Variants in PKHD1 observed in about 807,000 individuals in gnomAD.
PKHD1 encodes fibrocystin.
In PKHD1, 291 loss-of-function variants were observed where a neutral mutation model predicts 412.0. The observed-to-expected ratio is 0.71, with a 90% CI of 0.64 to 0.78. The LOEUF (loss-of-function observed/expected upper bound fraction) is 0.78, where lower values mean the gene tolerates loss of function less well. Ranked by LOEUF, PKHD1 falls within the 30% of genes least tolerant of loss-of-function variation. PKHD1 has a pLI of 0.00. For synonymous variants in PKHD1, 1,777 were observed against 1,821.5 expected (o/e 0.98, Z 0.62); for missense variants, 4,825 against 4,950.7 (o/e 0.97, Z 0.76).
chr6:51,773,941 G>A (rs1380067655), intron 54 of PKHD1, among the ~76,000 whole-genome samples: 3 of 151,710 alleles, frequency 2.0e-5, no homozygotes, highest in Non-Finnish European at 2.9e-5. Context: ...TTTTCAGGAC[G>A]TGTCCTGAAA....
At chr6:51,791,189 C>A in intron 53 of PKHD1, 47 bp downstream of exon 53, 1 of 1,596,208 alleles carries the variant, frequency 6.3e-7, no homozygotes, top group Non-Finnish European at 8.6e-7. Context: ...CCCCTTCTCA[C>A]AGAATATAAT....
intron 66 of PKHD1, among the ~76,000 whole-genome samples, chr6:51,624,665 C>T (rs1767025698): frequency 6.6e-6 from 1 of 152,184 alleles, no homozygotes; most frequent in Admixed American, 6.5e-5. Context: ...TGGATGTGAA[C>T]ACATATATAG....
Position 52,079,970 on chromosome 6 carries a change from A to C in PKHD1, c.320T>G (p.Leu107Arg). 1.2e-6 allele frequency: 2 copies of C among 1,611,306 alleles called. No individual in the cohort carries two copies. Among genetic ancestry groups the C allele is most frequent in the East Asian group, 2.2e-5 (1 of 44,876 alleles). Reference sequence around the variant, plus strand: ...CAGCTGTCCCCCGAAGTATGCTTCCAGGAAGTACAGACCCTCATGTGCTTC... The same window carrying C: ...CAGCTGTCCCCCGAAGTATGCTTCCCGGAAGTACAGACCCTCATGTGCTTC... ...LSEAHEGLYF[L>R]EAYFGGQLVS... Residue 107 changes from leucine (L) to arginine (R), a missense_variant, in exon 5 of 67, where the codon CTG becomes CGG. Transcript: ENST00000371117.
chr6:52,062,177 C>A (rs1808782294), intron 14 of PKHD1, among the ~76,000 whole-genome samples: 1 of 152,208 alleles, frequency 6.6e-6, no homozygotes, highest in Admixed American at 6.5e-5. Flanking sequence ...TGGCATCAAC[C>A]AGATGTTAGT....
intron 60 of PKHD1, among the ~76,000 whole-genome samples, chr6:51,730,898 T>G (rs1783158804): frequency 1.3e-5 from 2 of 152,176 alleles, no homozygotes; most frequent in African/African-American, 4.8e-5. Context: ...AAGCTCAGGT[T>G]TGAGATTCTA....
chr6:51,977,974 C>T (rs538412844), intron 35 of PKHD1, among the ~76,000 whole-genome samples: 1 of 152,258 alleles, frequency 6.6e-6, no homozygotes, highest in African/African-American at 2.4e-5. Flanking sequence ...AAGCTCCTCA[C>T]CACCATCCTC....
At chr6:51,873,240 T>A (rs1370715869) in intron 46 of PKHD1, among the ~76,000 whole-genome samples, 3 of 152,160 alleles carry the variant, frequency 2.0e-5, no homozygotes, top group Admixed American at 6.5e-5. Flanking sequence ...ATAACCAAAC[T>A]TACAAATGAT....
At chr6:51,869,671 G>A (rs986139968) in intron 47 of PKHD1, among the ~76,000 whole-genome samples, 2 of 151,840 alleles carry the variant, frequency 1.3e-5, no homozygotes, top group African/African-American at 4.8e-5. Flanking sequence ...AAAGAATTGA[G>A]GAATTGCGAT....
chr6:51,938,892 T>C (rs1787965706), intron 36 of PKHD1, among the ~76,000 whole-genome samples: 3 of 151,634 alleles, frequency 2.0e-5, no homozygotes, highest in South Asian at 4.1e-4. Context: ...CTTTCTCCTT[T>C]CAATCTTGGT....
At chr6:51,855,614 T>C (rs1316510831) in intron 49 of PKHD1, among the ~76,000 whole-genome samples, 3 of 152,198 alleles carry the variant, frequency 2.0e-5, no homozygotes. Context: ...TGTTTCTCAT[T>C]GTATTAATAA....
In PKHD1 at chr6:51,977,054, AACTT is replaced by A. The variant is rs775538742; in HGVS notation, c.5752-17032_5752-17029del. 1.4e-4 allele frequency among the ~76,000 whole-genome samples: 21 copies of A among 152,250 alleles called. No homozygotes were observed. The South Asian group carries it at 2.7e-3, about 20-fold the overall frequency. On this transcript the variant is annotated intron_variant, in intron 35 of 66. Transcript: ENST00000371117. ...ATCAAACCCTCAGATTAAAAAATTA[AACTT>A]ACTTAGTTTGTTCAGTGCTTCTCTG... is the stretch of plus-strand genomic sequence containing the variant.
chr6:51,820,653 A>G (rs1369969821), intron 52 of PKHD1, among the ~76,000 whole-genome samples: 1 of 152,146 alleles, frequency 6.6e-6, no homozygotes, highest in Non-Finnish European at 1.5e-5. Context: ...TGCCAAAGGG[A>G]TCTGGGACAT....
At chr6:51,720,891 C>G (rs2150823532) in intron 60 of PKHD1, 1 of 590,360 alleles carries the variant, frequency 1.7e-6, no homozygotes, top group East Asian at 1.4e-4. Flanking sequence ...ACTTGGCATA[C>G]AGTAAATGCC....
At chr6:52,046,609 C>T (rs10434859) in intron 23 of PKHD1, among the ~76,000 whole-genome samples, 64,260 of 152,080 alleles carry the variant, frequency 0.42, 15,301 homozygotes, top group Admixed American at 0.57. Context: ...GTGAGGGAGG[C>T]GTACAGCAGC....
intron 31 of PKHD1, among the ~76,000 whole-genome samples, chr6:52,026,879 C>T (rs890455078): frequency 2.0e-5 from 3 of 152,206 alleles, no homozygotes; most frequent in Non-Finnish European, 4.4e-5. Flanking sequence ...CATAACCAAA[C>T]TGTACAACGT....
chr6:51,870,653 G>GA lies in PKHD1; in HGVS notation c.7351-15dup, dbSNP rs768522482. The GA allele has an allele frequency of 9.4e-6, 15 of 1,600,018 alleles. No individual in the cohort carries two copies. In the African/African-American group the frequency reaches 1.5e-4, roughly 16 times the overall value. ...ACACAGACTTCCCTGTGATTTAAAA[G>GA]AAAAAAAGATGAAAGCAAAATAAGA... On this transcript the variant is annotated splice_polypyrimidine_tract_variant and intron_variant, in intron 46 of 66. Coordinates refer to ENST00000371117, the MANE Select transcript of PKHD1 (RefSeq NM_138694.4).
Position 51,883,187 on chromosome 6 carries a change from A to G in PKHD1, c.7256T>C (p.Val2419Ala), listed in dbSNP as rs756410150. 4 of 1,611,820 alleles carry G rather than the reference A, an allele frequency of 2.5e-6. No homozygotes were observed. The South Asian group carries it at 4.4e-5, about 18-fold the overall frequency. The change falls in exon 46 of 67, where the codon GTT becomes GCT. Residue 2419 changes from valine (V) to alanine (A), a missense_variant. Coordinates refer to ENST00000371117, the MANE Select transcript of PKHD1 (RefSeq NM_138694.4). ...SSNLRLKNFKVYSCRDFGIDV... is the reference protein window; with the variant it reads ...SSNLRLKNFKAYSCRDFGIDV... ...AATTCCAAAATCTCTGCATGAATAA[A>G]CTTTGAAGTTTTTCAGGCGAAGATT...
At chr6:51,718,672 T>C (rs573948929) in intron 60 of PKHD1, among the ~76,000 whole-genome samples, 78 of 152,326 alleles carry the variant, frequency 5.1e-4, no homozygotes, top group African/African-American at 1.9e-3. Context: ...TATAGATAAA[T>C]AGAGATGGTC....
intron 52 of PKHD1, among the ~76,000 whole-genome samples, chr6:51,796,149 G>T (rs557309148): frequency 3.4e-4 from 51 of 152,170 alleles, no homozygotes; most frequent in African/African-American, 1.1e-3. Context: ...GGCTTTCTTT[G>T]GTTGGTAGGC....
Sources: gnomAD v4.1 joint callset for allele counts (sites outside exome capture counted in the v4.1 genomes callset) on GRCh38, gnomAD v4.1.1 for gene constraint, MANE v1.5 for transcripts, NCBI Gene and HGNC (gene_info 2026-07-23, HGNC 2026-07-21) for gene names.